Variants in FAT1 observed in about 807,000 individuals in gnomAD.
FAT1 encodes the protein protocadherin Fat 1.
A neutral mutation model predicts 329.8 loss-of-function variants in FAT1; 171 were observed. That is an observed-to-expected ratio of 0.52 (90% CI 0.46 to 0.59). The LOEUF is 0.59. Ranked by LOEUF, FAT1 falls within the 20% of genes least tolerant of loss-of-function variation. FAT1 has a pLI of 0.00. For missense variants in FAT1, 5,672 were observed against 5,774.4 expected (o/e 0.98, Z 0.57); for synonymous variants, 2,233 against 2,228.6 (o/e 1.00, Z -0.06).
At chr4:186,670,302 G>A (rs1742671481) in intron 2 of FAT1, among the ~76,000 whole-genome samples, 1 of 152,136 alleles carries the variant, frequency 6.6e-6, no homozygotes, top group South Asian at 2.1e-4. Context: ...GCTTAAGGCA[G>A]CAATTGTATT....
chr4:186,635,990 C>A, intron 6 of FAT1, 35 bp downstream of exon 6: 10 of 1,585,156 alleles, frequency 6.3e-6, no homozygotes, highest in African/African-American at 1.3e-5. Flanking sequence ...TCAGTGTAAC[C>A]CATACGGACA....
At chr4:186,671,979 T>G (rs181419469) in intron 2 of FAT1, among the ~76,000 whole-genome samples, 15 of 152,292 alleles carry the variant, frequency 9.8e-5, no homozygotes, top group Admixed American at 8.5e-4. Flanking sequence ...TCAGTCTACT[T>G]TCTCAGGGAA....
chr4:186,663,530 C>A lies in FAT1; in HGVS notation c.3349G>T (p.Val1117Leu), dbSNP rs149295542. The A allele has an allele frequency of 6.2e-7, 1 of 1,613,044 alleles. No individual in the cohort carries two copies. Among genetic ancestry groups the A allele is most frequent in the African/African-American group, 1.3e-5 (1 of 74,640 alleles). Residue 1117 changes from valine (V) to leucine (L), a missense_variant, in exon 3 of 27, where the codon GTG becomes TTG. Physicochemically the swap from Val to Leu is conservative, Grantham distance 32 (BLOSUM62 1). Around this residue, in one of 2 missense-constraint regions of FAT1, gnomAD observed 3,966 missense variants for 3,915.2 expected, o/e 1.01. Coordinates refer to ENST00000441802, the MANE Select transcript of FAT1 (RefSeq NM_005245.4). ...ATCTCTATGAACGATGAAAGAGGCA[C>A]GACACCCTGATCGGTTGCAAAGACT... ...LTVFATDQGV[V>L]PLSSFIEIYI...
At chr4:186,677,996 T>C (rs1390415405) in intron 2 of FAT1, among the ~76,000 whole-genome samples, 1 of 152,226 alleles carries the variant, frequency 6.6e-6, no homozygotes, top group Non-Finnish European at 1.5e-5. Flanking sequence ...ATCTCTGTCC[T>C]TAACTTTCTC....
intron 26 of FAT1, among the ~76,000 whole-genome samples, chr4:186,592,354 G>A (rs1226121329): frequency 6.6e-6 from 1 of 152,132 alleles, no homozygotes. Flanking sequence ...CATTATTCAA[G>A]TCTTATTCCT....
chr4:186,695,801 AC>A (rs1468001402), intron 2 of FAT1, among the ~76,000 whole-genome samples: 1 of 148,936 alleles, frequency 6.7e-6, no homozygotes, highest in Non-Finnish European at 1.5e-5. Flanking sequence ...ACACACACAC[AC>A]ATTTTTGAGA....
chr4:186,603,735 GC>G lies in FAT1; in HGVS notation c.10790del (p.Gly3597AlafsTer3). ...CTAGCTTTTTGTGTGCTATCAGCTT[GC>G]CCCCTGTGCTGGAAACAGAGAACAG... The part of the protein sequence containing the change: ...DNLFSVSSTG[G>X]KLIAHKKLDI... On this transcript the variant is annotated frameshift_variant, in exon 19 of 27. Transcript: ENST00000441802. LOFTEE classifies it high-confidence loss of function. 1 of 1,613,916 alleles carries G rather than the reference GC, an allele frequency of 6.2e-7. No homozygotes were observed. The highest frequency in any genetic ancestry group is 1.3e-5 in the African/African-American group (1 of 75,018).
intron 2 of FAT1, among the ~76,000 whole-genome samples, chr4:186,664,973 A>G (rs184586252): frequency 1.3e-5 from 2 of 152,376 alleles, no homozygotes; most frequent in African/African-American, 4.8e-5. Flanking sequence ...CACGAAATTA[A>G]ATATTAACTT....
At chr4:186,680,753 G>T (rs926615978) in intron 2 of FAT1, among the ~76,000 whole-genome samples, 1 of 152,176 alleles carries the variant, frequency 6.6e-6, no homozygotes, top group South Asian at 2.1e-4. Context: ...AAGTTACTAG[G>T]TTGCAGAGCT....
rs758941005 is a variant in FAT1, at chr4:186,620,247, G to A, written c.6339C>T (p.Asn2113=). The A allele has an allele frequency of 6.8e-6, 11 of 1,613,858 alleles. No homozygotes were observed. The highest frequency in any genetic ancestry group is 2.2e-5 in the East Asian group (1 of 44,902). The part of the protein sequence containing the change: ...VTAVDRDSGR[N]GEVHYYLKEH... The stretch of plus-strand genomic sequence containing the variant: ...CCTTGAGGTAGTAATGCACTTCCCC[G>A]TTTCTGCCACTGTCTCTGTCTACAG... The change falls in exon 10 of 27, where the codon AAC becomes AAT. Residue 2113 remains asparagine, a synonymous_variant. Transcript: ENST00000441802.
At chr4:186,606,736 C>T (rs1280507932) in intron 16 of FAT1, among the ~76,000 whole-genome samples, 2 of 152,268 alleles carry the variant, frequency 1.3e-5, no homozygotes, top group East Asian at 3.9e-4. Flanking sequence ...CTAAATCCCT[C>T]AGGATTAGCT....
At chr4:186,606,932 G>A (rs552459493) in intron 16 of FAT1, among the ~76,000 whole-genome samples, 7 of 152,320 alleles carry the variant, frequency 4.6e-5, no homozygotes, top group African/African-American at 7.2e-5. Flanking sequence ...TTCTGCTGGC[G>A]CATTAGCTTG....
At position 186,604,398 on chromosome 4, in the gene FAT1, A is replaced by G; in HGVS notation, c.10527T>C (p.Asp3509=). The G allele has an allele frequency of 6.2e-7, 1 of 1,613,570 alleles. No individual in the cohort carries two copies. The highest frequency in any genetic ancestry group is 8.5e-7 in the Non-Finnish European group (1 of 1,179,728). The change falls in exon 18 of 27, where the codon GAT becomes GAC. Residue 3509 remains aspartate (D), a synonymous_variant. Transcript: ENST00000441802. ...ATACCTTCACCTGCAGTAAGTAATG[A>G]TCTTTCTCCTTCCTCTTGATGGCAG... ...TSSAIKRKEK[D]HYLLQVKVAD... is the part of the protein sequence containing the mutation.
At chr4:186,594,772 C>T (rs1312743010) in intron 26 of FAT1, among the ~76,000 whole-genome samples, 1 of 147,426 alleles carries the variant, frequency 6.8e-6, no homozygotes, top group Non-Finnish European at 1.5e-5. Flanking sequence ...TAGATAATGA[C>T]TATATGGATT....
chr4:186,603,129 T>C, intron 19 of FAT1, 47 bp downstream of exon 19: 2 of 1,608,496 alleles, frequency 1.2e-6, no homozygotes, highest in Non-Finnish European at 1.7e-6. Flanking sequence ...TCAAAGGCCG[T>C]CTGAAACCAT....
chr4:186,709,673 T>G lies in FAT1; in HGVS notation c.155A>C (p.Tyr52Ser), dbSNP rs772257246. The G allele has an allele frequency of 6.2e-7, 1 of 1,613,860 alleles. No individual in the cohort carries two copies. Among genetic ancestry groups the G allele is most frequent in the Non-Finnish European group, 8.5e-7 (1 of 1,179,890 alleles). ...ACCCATCTTGACAGGATGCCCCACATAAGTCTTAGCTGCAGAGTTCTCCTG... is the reference window on the plus strand; with the variant it reads ...ACCCATCTTGACAGGATGCCCCACAGAAGTCTTAGCTGCAGAGTTCTCCTG... Reference protein sequence around the residue: ...TVQENSAAKTYVGHPVKMGVY... With the variant: ...TVQENSAAKTSVGHPVKMGVY... The change falls in exon 2 of 27, where the codon TAT becomes TCT. Residue 52 changes from tyrosine (Y) to serine (S), a missense_variant. By Grantham distance (144) the Tyr-to-Ser change is moderately radical (BLOSUM62 -2). Around this residue, in one of 2 missense-constraint regions of FAT1, gnomAD observed 3,966 missense variants for 3,915.2 expected, o/e 1.01. Transcript: ENST00000441802.
chr4:186,676,571 AGT>A (rs1287071061), intron 2 of FAT1, among the ~76,000 whole-genome samples: 1 of 152,212 alleles, frequency 6.6e-6, no homozygotes, highest in African/African-American at 2.4e-5. Flanking sequence ...TGTACTGCAA[AGT>A]GTGTTCCAGC....
Position 186,619,390 on chromosome 4 carries a change from A to T in FAT1, c.7196T>A (p.Ile2399Asn), listed in dbSNP as rs2126505081. The change falls in exon 10 of 27, where the codon ATT becomes AAT. Residue 2399 changes from isoleucine (I) to asparagine (N), a missense_variant. Transcript: ENST00000441802. ...ATGCCCATGAGGGGCGTGCTCGCTA[A>T]TTCTGGCTTCATAAATCTGTTGTTC... ...LFEQQIYEAR[I>N]SEHAPHGHFV... is the part of the protein sequence containing the mutation. 6.2e-7 allele frequency: 1 copy of T among 1,614,014 alleles called. No individual in the cohort carries two copies. The highest frequency in any genetic ancestry group is 8.5e-7 in the Non-Finnish European group (1 of 1,179,886).
At chr4:186,677,365 G>GCCCTATCT (rs1294514777) in intron 2 of FAT1, among the ~76,000 whole-genome samples, 1 of 152,016 alleles carries the variant, frequency 6.6e-6, no homozygotes, top group East Asian at 1.9e-4. Flanking sequence ...AAATCAAACA[G>GCCCTATCT]CCCTATCTAA....
Sources: allele counts gnomAD v4.1 joint callset (sites outside exome capture counted in the v4.1 genomes callset), GRCh38; gene constraint gnomAD v4.1.1; regional missense constraint gnomAD v4.1.1; transcripts MANE v1.5; gene names NCBI Gene and HGNC (gene_info 2026-07-23, HGNC 2026-07-21).